Variants in PNOC observed in about 807,000 individuals in gnomAD.
The protein encoded by PNOC is prepronociceptin, also known as nociceptin.
PNOC carries 10 observed loss-of-function variants against 15.6 expected under a neutral mutation model. The observed-to-expected ratio is 0.64, with a 90% confidence interval of 0.40 to 1.09. The LOEUF is 1.09. PNOC is among the 50% of genes least tolerant of loss of function. PNOC has a pLI of 0.01. For synonymous variants in PNOC, 98 were observed against 88.5 expected (o/e 1.11, Z -0.60); for missense variants, 220 against 223.9 (o/e 0.98, Z 0.11).
At chr8:28,337,881 G>A (rs1390690430) in intron 2 of PNOC, among the ~76,000 whole-genome samples, 6 of 151,918 alleles carry the variant, frequency 3.9e-5, no homozygotes, top group African/African-American at 1.2e-4. Context: ...GTGCGCCACC[G>A]CACCCGGCCT....
At chr8:28,317,398 G>A (rs1424785961) in intron 1 of PNOC, 82 bp downstream of exon 1, 1 of 152,400 alleles carries the variant, frequency 6.6e-6, no homozygotes, top group Non-Finnish European at 1.5e-5. Context: ...AGGGCCACCA[G>A]GGGCTGGCTC....
chr8:28,340,430 C>T (rs1801497101), intron 3 of PNOC, among the ~76,000 whole-genome samples: 1 of 152,152 alleles, frequency 6.6e-6, no homozygotes, highest in Admixed American at 6.5e-5. Flanking sequence ...AGGATATCAA[C>T]CAATACATCA....
At chr8:28,322,387 A>G (rs1801164831) in intron 1 of PNOC, among the ~76,000 whole-genome samples, 1 of 152,096 alleles carries the variant, frequency 6.6e-6, no homozygotes, top group Admixed American at 6.6e-5. Flanking sequence ...GCGAGACTCC[A>G]TCTCCAAAAA....
rs1484071254 is a variant in PNOC at position 28,339,134 on chromosome 8, C to T, written c.221C>T (p.Pro74Leu). Reference sequence around the variant, plus strand: ...GCCAGGAGCTCTTGGCAGCTCAGCCCTGCCGCCCCAGAGCATGTGGCGGCT... The same window carrying T: ...GCCAGGAGCTCTTGGCAGCTCAGCCTTGCCGCCCCAGAGCATGTGGCGGCT... ...VMARSSWQLS[P>L]AAPEHVAAAL... The change falls in exon 3 of 4, where the codon CCT becomes CTT. Residue 74 changes from proline to leucine, a missense_variant. Coordinates refer to ENST00000301908, the MANE Select transcript of PNOC (RefSeq NM_006228.5). The T allele has an allele frequency of 1.9e-6, 3 of 1,613,032 alleles. No individual in the cohort carries two copies. Among genetic ancestry groups the T allele is most frequent in the Non-Finnish European group, 2.5e-6 (3 of 1,179,028 alleles).
intron 1 of PNOC, among the ~76,000 whole-genome samples, chr8:28,324,697 T>C (rs1323953591): frequency 2.6e-5 from 4 of 152,100 alleles, no homozygotes; most frequent in African/African-American, 9.7e-5. Flanking sequence ...AACCCATCTC[T>C]ACTAATAATA....
chr8:28,328,980 T>C (rs1801275189), intron 1 of PNOC, among the ~76,000 whole-genome samples, 155 bp from the exon 2 acceptor site: 1 of 152,040 alleles, frequency 6.6e-6, no homozygotes, highest in African/African-American at 2.4e-5. Flanking sequence ...GCCTTGACAA[T>C]TTACACCCCT....
At chr8:28,320,156 C>T (rs1192173538) in intron 1 of PNOC, among the ~76,000 whole-genome samples, 2 of 116,704 alleles carry the variant, frequency 1.7e-5, no homozygotes, top group Non-Finnish European at 3.2e-5. Context: ...ATTGCAGAAG[C>T]ACAAAATCAT....
At chr8:28,317,623 G>C (rs1801080094) in intron 1 of PNOC, among the ~76,000 whole-genome samples, 1 of 152,184 alleles carries the variant, frequency 6.6e-6, no homozygotes, top group Admixed American at 6.5e-5. Context: ...TTGTTGCTCT[G>C]TGTCGAGAGG....
At chr8:28,331,046 C>G (rs1801322859) in intron 2 of PNOC, among the ~76,000 whole-genome samples, 1 of 152,144 alleles carries the variant, frequency 6.6e-6, no homozygotes, top group African/African-American at 2.4e-5. Flanking sequence ...GACTAACACA[C>G]CCTGGTGTCT....
intron 2 of PNOC, among the ~76,000 whole-genome samples, chr8:28,332,392 C>T (rs1801342684): frequency 6.6e-6 from 1 of 152,190 alleles, no homozygotes; most frequent in African/African-American, 2.4e-5. Flanking sequence ...TTCCCAGGAT[C>T]CTCTGGATCC....
intron 2 of PNOC, among the ~76,000 whole-genome samples, chr8:28,336,455 AAGG>A (rs1170683041): frequency 6.6e-6 from 1 of 152,116 alleles, no homozygotes; most frequent in Non-Finnish European, 1.5e-5. Context: ...GGAAGGATGC[AAGG>A]AGGTCATTGC....
Position 28,339,304 on chromosome 8 carries a change from G to A in PNOC, c.391G>A (p.Gly131Arg). 1.2e-6 allele frequency: 2 copies of A among 1,612,236 alleles called. No homozygotes were observed. The highest frequency in any genetic ancestry group is 1.7e-6 in the Non-Finnish European group (2 of 1,178,546). The change falls in exon 3 of 4, where the codon GGG becomes AGG. Residue 131 changes from glycine to arginine, a missense_variant. Transcript: ENST00000301908. Reference protein sequence around the residue: ...MEQKQLQKRFGGFTGARKSAR... With the variant: ...MEQKQLQKRFRGFTGARKSAR... ...GCAGAAGCAGCTGCAGAAGAGATTT[G>A]GGGGCTTCACCGGGGCCCGGAAGTC...
chr8:28,332,762 C>G (rs971988436), intron 2 of PNOC, among the ~76,000 whole-genome samples: 4 of 152,108 alleles, frequency 2.6e-5, no homozygotes, highest in African/African-American at 9.7e-5. Flanking sequence ...ACCAGCCTGG[C>G]CAACAAGGCG....
At chr8:28,341,006 G>A (rs1260321375) in intron 3 of PNOC, among the ~76,000 whole-genome samples, 1 of 152,222 alleles carries the variant, frequency 6.6e-6, no homozygotes, top group Non-Finnish European at 1.5e-5. Context: ...GAACCAGTCA[G>A]ATCATCAAAA....
At chr8:28,324,311 G>T (rs1012126765) in intron 1 of PNOC, among the ~76,000 whole-genome samples, 3 of 152,136 alleles carry the variant, frequency 2.0e-5, no homozygotes, top group African/African-American at 7.2e-5. Flanking sequence ...CATGCAAGTT[G>T]CCCCAGTTAA....
At chr8:28,334,697 T>C in intron 2 of PNOC, among the ~76,000 whole-genome samples, 1 of 152,130 alleles carries the variant, frequency 6.6e-6, no homozygotes, top group Admixed American at 6.6e-5. Flanking sequence ...TCTCCCTATG[T>C]TGCCCAGGCT....
At chr8:28,340,300 TTCTC>T (rs779338353) in intron 3 of PNOC, 2 of 152,306 alleles carry the variant, frequency 1.3e-5, no homozygotes, top group East Asian at 1.9e-4. Flanking sequence ...TTCTTCCTTG[TTCTC>T]TCTTTCTTCT....
chr8:28,327,708 G>A lies in PNOC; in HGVS notation c.-23-1427G>A, dbSNP rs551932116. Among the ~76,000 whole-genome samples, 488 of 152,082 alleles carry A rather than the reference G, an allele frequency of 3.2e-3. 1 individual carries two copies. The highest frequency in any genetic ancestry group is 5.0e-3 in the Non-Finnish European group (341 of 67,974). ...TTTTTGTATTTTTAGTAGAGATGGG[G>A]TTTCACCATGTTGGCCAGGCTAGTC... On this transcript the variant is annotated intron_variant, in intron 1 of 3. Transcript: ENST00000301908.
rs1336544657 is a variant in PNOC, at chr8:28,342,913, C to A, written c.*48-29C>A. Reference sequence around the variant, plus strand: ...AGGGTCAGAAAAACCATCAGGTTTGCCATTTTTTAACCATTTCTGTCTCCC... The same window carrying A: ...AGGGTCAGAAAAACCATCAGGTTTGACATTTTTTAACCATTTCTGTCTCCC... On this transcript the variant is annotated intron_variant, in intron 3 of 3. Coordinates refer to ENST00000301908, the MANE Select transcript of PNOC (RefSeq NM_006228.5). 5 of 941,306 alleles carry A rather than the reference C, an allele frequency of 5.3e-6. 1 individual carries two copies. The South Asian group carries it at 2.0e-4, about 37-fold the overall frequency. 58.3% of individuals were successfully genotyped at this position (941,306 alleles called of 1,614,324 possible). A position where few individuals can be genotyped will look rare whatever the true frequency, so the allele number is the denominator to read the frequency against.
Sources: gnomAD v4.1 joint callset for allele counts (sites outside exome capture counted in the v4.1 genomes callset) on GRCh38, gnomAD v4.1.1 for gene constraint, MANE v1.5 for transcripts, NCBI Gene and HGNC (gene_info 2026-07-23, HGNC 2026-07-21) for gene names.